BICDL1: variants seen among roughly 807,000 people sequenced by gnomAD.
The protein encoded by BICDL1 is BICD family like cargo adaptor 1, also known as BICD family-like cargo adapter 1.
BICDL1 carries 20 observed loss-of-function variants against 76.8 expected under a neutral mutation model. The ratio of observed to expected loss-of-function variants is 0.26; its 90% CI spans 0.18 to 0.38. The LOEUF (loss-of-function observed/expected upper bound fraction) is 0.38. Ranked by LOEUF, BICDL1 falls within the 10% of genes least tolerant of loss-of-function variation. The probability of loss-of-function intolerance (pLI) is 1.00; values close to 1 mark genes in which losing one functional copy is unlikely to be tolerated. For missense variants in BICDL1, 700 were observed against 798.6 expected (o/e 0.88, Z 1.49); for synonymous variants, 383 against 337.1 (o/e 1.14, Z -1.49).
At chr12:120,033,834 A>T (rs771959385) in intron 2 of BICDL1, among the ~76,000 whole-genome samples, 4 of 152,166 alleles carry the variant, frequency 2.6e-5, no homozygotes, top group African/African-American at 9.7e-5. Context: ...TGGCCAGAAG[A>T]TGTGCACTTC....
intron 2 of BICDL1, among the ~76,000 whole-genome samples, chr12:120,013,272 C>T (rs1951990499): frequency 6.6e-6 from 1 of 151,012 alleles, no homozygotes; most frequent in South Asian, 2.1e-4. Flanking sequence ...CAAGATCACA[C>T]CTCTTCACTC....
chr12:119,997,832 G>A (rs986940201), intron 1 of BICDL1, among the ~76,000 whole-genome samples: 1 of 152,078 alleles, frequency 6.6e-6, no homozygotes, highest in Non-Finnish European at 1.5e-5. Context: ...AAGTAAGGAG[G>A]GGGTGGGGCA....
At chr12:119,994,341 A>G (rs757999624) in intron 1 of BICDL1, among the ~76,000 whole-genome samples, 2 of 151,400 alleles carry the variant, frequency 1.3e-5, no homozygotes, top group African/African-American at 2.4e-5. Flanking sequence ...AAAGAACAGT[A>G]CTTTTTCAGA....
intron 7 of BICDL1, among the ~76,000 whole-genome samples, chr12:120,076,036 A>G (rs534553800): frequency 6.6e-6 from 1 of 152,348 alleles, no homozygotes; most frequent in Admixed American, 6.5e-5. Flanking sequence ...GCACATGCCT[A>G]TAATCCCAGC....
intron 2 of BICDL1, among the ~76,000 whole-genome samples, chr12:120,004,200 T>G (rs1025458005): frequency 6.6e-6 from 1 of 152,218 alleles, no homozygotes; most frequent in Non-Finnish European, 1.5e-5. Context: ...TGTGCTATAT[T>G]CTTTTTGCAT....
intron 2 of BICDL1, among the ~76,000 whole-genome samples, chr12:120,038,479 T>C (rs1437498402): frequency 6.6e-6 from 1 of 152,232 alleles, no homozygotes; most frequent in African/African-American, 2.4e-5. Flanking sequence ...ATGTGGACAT[T>C]GTTAGAAGTC....
rs986686338 is a variant in BICDL1, at chr12:120,093,460, G to A, written c.*299G>A. On this transcript the variant is annotated 3_prime_UTR_variant, in exon 10 of 10. Transcript: ENST00000548673. Reference sequence around the variant, plus strand: ...CCACCTCCCAGAGGGGCCCCTTGGTGTTGGGCTTTGCAGCTCACACCCAAC... The same window carrying A: ...CCACCTCCCAGAGGGGCCCCTTGGTATTGGGCTTTGCAGCTCACACCCAAC... The A allele has an allele frequency of 5.0e-6, 2 of 396,080 alleles. No individual in the cohort carries two copies. Among genetic ancestry groups the A allele is most frequent in the Non-Finnish European group, 9.4e-6 (2 of 213,528 alleles). The allele number at this position is 396,080 out of a possible 1,614,324, so 24.5% of individuals were successfully genotyped here. A position where few individuals can be genotyped will look rare whatever the true frequency, so the allele number is the denominator to read the frequency against.
In BICDL1 at chr12:119,989,826, C is replaced by G; in HGVS notation, c.-43C>G. On this transcript the variant is annotated 5_prime_UTR_variant, in exon 1 of 10. Transcript: ENST00000548673. ...CCCCTCCCCCCTGCAGCCTGGCGCG[C>G]GCGGGCCGGGCCGCACCGCTGCGGG... The G allele has an allele frequency of 9.2e-7, 1 of 1,092,466 alleles. No homozygotes were observed. The highest frequency in any genetic ancestry group is 1.1e-6 in the Non-Finnish European group (1 of 890,926). The allele number at this position is 1,092,466 out of a possible 1,614,324, so 67.7% of individuals were successfully genotyped here. A position where few individuals can be genotyped will look rare whatever the true frequency, so the allele number is the denominator to read the frequency against.
chr12:120,057,095 G>T, intron 2 of BICDL1: 1 of 522,770 alleles, frequency 1.9e-6, no homozygotes, highest in South Asian at 1.4e-5. Flanking sequence ...TGCAGAATTT[G>T]ATGCTGTGGT....
chr12:120,046,609 CTA>C (rs1245861542), intron 2 of BICDL1, among the ~76,000 whole-genome samples: 2 of 152,210 alleles, frequency 1.3e-5, no homozygotes, highest in Non-Finnish European at 2.9e-5. Flanking sequence ...AGAGAAGAGA[CTA>C]TGTTATTTTT....
At chr12:120,069,432 A>G (rs1342777729) in intron 4 of BICDL1, among the ~76,000 whole-genome samples, 1 of 152,180 alleles carries the variant, frequency 6.6e-6, no homozygotes, top group Non-Finnish European at 1.5e-5. Context: ...ATCTGTCAAT[A>G]TCTCTCTGGG....
chr12:120,092,406 C>A, intron 9 of BICDL1: 2 of 985,450 alleles, frequency 2.0e-6, no homozygotes, highest in South Asian at 9.4e-5. Flanking sequence ...CTGGCCTCTG[C>A]CGCAGATGGG....
chr12:120,085,347 T>C (rs1164545956), intron 8 of BICDL1, among the ~76,000 whole-genome samples: 3 of 151,966 alleles, frequency 2.0e-5, no homozygotes, highest in Non-Finnish European at 4.4e-5. Flanking sequence ...GAGGTTGCAG[T>C]AAGCCAAGAT....
chr12:120,070,478 T>C (rs986942655), intron 4 of BICDL1, among the ~76,000 whole-genome samples: 1 of 152,160 alleles, frequency 6.6e-6, no homozygotes, highest in Non-Finnish European at 1.5e-5. Flanking sequence ...TCACGTTATT[T>C]TGAAGTAAAT....
chr12:120,072,419 G>A (rs1262688349), intron 5 of BICDL1, 92 bp from the exon 6 acceptor site: 16 of 1,161,130 alleles, frequency 1.4e-5, no homozygotes, highest in Non-Finnish European at 1.8e-5. Flanking sequence ...GGTGTCTTGG[G>A]TATCAGTATT....
At chr12:120,081,660 C>T (rs1429473376) in intron 8 of BICDL1, among the ~76,000 whole-genome samples, 1 of 151,754 alleles carries the variant, frequency 6.6e-6, no homozygotes, top group African/African-American at 2.4e-5. Flanking sequence ...CCAGTTTTAT[C>T]GTATGTATAT....
chr12:120,064,896 GC>G lies in BICDL1; in HGVS notation c.909+18del. 2 of 1,593,838 alleles carry G rather than the reference GC, an allele frequency of 1.3e-6. No individual in the cohort carries two copies. The highest frequency in any genetic ancestry group is 2.7e-5 in the African/African-American group (2 of 73,538). The stretch of plus-strand genomic sequence containing the variant: ...GACCTACAGGTACTGGGGTAGAGAA[GC>G]TGTCCTGCAGGACTAGAGCCAGATA... On this transcript the variant is annotated intron_variant, in intron 4 of 9. Transcript: ENST00000548673.
chr12:120,043,691 C>T (rs1952689279), intron 2 of BICDL1, among the ~76,000 whole-genome samples: 1 of 152,194 alleles, frequency 6.6e-6, no homozygotes, highest in African/African-American at 2.4e-5. Context: ...CTGGTGGAAC[C>T]TTGCTAAAGG....
rs1370522165 is a variant in BICDL1 at position 120,079,911 on chromosome 12, C to T, written c.1453-976C>T. On this transcript the variant is annotated intron_variant, in intron 7 of 9. Transcript: ENST00000548673. This position sits in a 1 kb window ranked among gnomAD's most constrained non-coding sequence, Gnocchi z 4.3. ...GCAAGTTTGGTCACAGGCCCACGCC[C>T]AGACTGCCTGGGAAAGGAAATGTCT... 6.6e-6 allele frequency among the ~76,000 whole-genome samples: 1 copy of T among 152,228 alleles called. No individual in the cohort carries two copies. Among genetic ancestry groups the T allele is most frequent in the African/African-American group, 2.4e-5 (1 of 41,462 alleles).
Sources: gnomAD v4.1 joint callset for allele counts (sites outside exome capture counted in the v4.1 genomes callset) on GRCh38, gnomAD v4.1.1 for gene constraint, Gnocchi (gnomAD v3.1) non-coding constraint, MANE v1.5 for transcripts, NCBI Gene and HGNC (gene_info 2026-07-23, HGNC 2026-07-21) for gene names.